The following CHIC2 variants were observed in gnomAD, a reference collection of about 807,000 sequenced individuals.
CHIC2 encodes cysteine-rich hydrophobic domain-containing protein 2.
Under a neutral mutation model 25.9 loss-of-function variants are expected in CHIC2, and 14 were observed. That is an observed-to-expected ratio of 0.54 (90% CI 0.36 to 0.85). The LOEUF is 0.85. Among genes scored for constraint, CHIC2 ranks in the 40% least tolerant of loss-of-function variants. The probability of loss-of-function intolerance (pLI) is 0.01; values close to 1 mark genes in which losing one functional copy is unlikely to be tolerated. For synonymous variants in CHIC2, 70 were observed against 72.0 expected, an observed-to-expected ratio of 0.97 and a Z score of 0.14; for missense variants, 146 against 202.0, an observed-to-expected ratio of 0.72 and a Z score of 1.68.
chr4:54,034,771 T>C (rs766315224), intron 3 of CHIC2, among the ~76,000 whole-genome samples: 1 of 152,212 alleles, frequency 6.6e-6, no homozygotes, highest in Non-Finnish European at 1.5e-5. Context: ...ATCTCCAGAA[T>C]AACATTGATT....
intron 3 of CHIC2, among the ~76,000 whole-genome samples, chr4:54,028,405 TA>T (rs1716124476): frequency 1.3e-5 from 2 of 152,346 alleles, no homozygotes; most frequent in Admixed American, 1.3e-4. Flanking sequence ...CTTAACTTTA[TA>T]AACTGGGAGA....
In CHIC2 at chr4:54,043,072, A is replaced by C. The variant is rs191844010; in HGVS notation, c.330+5883T>G. 8.2e-4 allele frequency among the ~76,000 whole-genome samples: 125 copies of C among 152,188 alleles called. No individual in the cohort carries two copies. In the Middle Eastern group the frequency reaches 0.024, roughly 29 times the overall value. Reference sequence around the variant, plus strand: ...ACACCTGTAATCCCAGCACTTAGAGAGGCCAAGGAGGGCAGACTGCTTGAG... The same window carrying C: ...ACACCTGTAATCCCAGCACTTAGAGCGGCCAAGGAGGGCAGACTGCTTGAG... On this transcript the variant is annotated intron_variant, in intron 3 of 5. Coordinates refer to ENST00000263921, the MANE Select transcript of CHIC2 (RefSeq NM_012110.4).
the CHIC2 span, among the ~76,000 whole-genome samples, chr4:54,088,391 AT>A: frequency 6.6e-6 from 1 of 152,212 alleles, no homozygotes; most frequent in African/African-American, 2.4e-5. Context: ...AAAAGTTGAT[AT>A]TTTAGGAATT....
In CHIC2 at chr4:54,021,129, C is replaced by A. The variant is rs145545781; in HGVS notation, c.331-7010G>T. Among the ~76,000 whole-genome samples, 344 of 152,288 alleles carry A rather than the reference C, an allele frequency of 2.3e-3. 5 individuals are homozygous for A. The East Asian group carries it at 0.057, about 25-fold the overall frequency. On this transcript the variant is annotated intron_variant, in intron 3 of 5. Transcript: ENST00000263921. ...AAGAACTTAAAACCCCTTCAACTCA[C>A]ACCTGACCTAAAACCTAAATGCCTT...
At chr4:54,068,840 C>T (rs1476030595), upstream of CHIC2, among the ~76,000 whole-genome samples, 3 of 152,182 alleles carry the variant, frequency 2.0e-5, no homozygotes, top group Non-Finnish European at 4.4e-5. Context: ...CTTCAAACAC[C>T]AGTCACAAGT....
intron 3 of CHIC2, among the ~76,000 whole-genome samples, chr4:54,043,749 C>G (rs576974327): frequency 1.3e-5 from 2 of 152,118 alleles, no homozygotes; most frequent in African/African-American, 4.8e-5. Flanking sequence ...CATCAACTAA[C>G]GAGCAAAATA....
At chr4:54,048,730 C>G (rs894143639) in intron 3 of CHIC2, 3 of 356,082 alleles carry the variant, frequency 8.4e-6, no homozygotes, top group Non-Finnish European at 1.5e-5. Flanking sequence ...ATGCCATACA[C>G]TACTCCTTGC....
chr4:54,091,642 C>T, the CHIC2 span, among the ~76,000 whole-genome samples: 1 of 152,316 alleles, frequency 6.6e-6, no homozygotes, highest in Admixed American at 6.5e-5. Context: ...ACTAAAGAAC[C>T]TATCCATGTA....
At chr4:54,012,150 CTA>C (rs1272963396) in intron 5 of CHIC2, among the ~76,000 whole-genome samples, 1 of 151,612 alleles carries the variant, frequency 6.6e-6, no homozygotes, top group South Asian at 2.1e-4. Context: ...GTGGGTATTG[CTA>C]TGTTACCCAA....
intron 1 of CHIC2, among the ~76,000 whole-genome samples, chr4:54,054,641 T>C (rs571571921): frequency 1.3e-5 from 2 of 152,346 alleles, no homozygotes; most frequent in African/African-American, 4.8e-5. Context: ...GAACTCCCTA[T>C]ACTTTGGCTA....
At chr4:54,027,383 T>C (rs746222001) in intron 3 of CHIC2, among the ~76,000 whole-genome samples, 5 of 152,190 alleles carry the variant, frequency 3.3e-5, no homozygotes, top group Non-Finnish European at 7.4e-5. Flanking sequence ...TCTTTTATGA[T>C]GAAAACTTAG....
At chr4:54,044,680 C>A (rs1228845311) in intron 3 of CHIC2, among the ~76,000 whole-genome samples, 1 of 151,878 alleles carries the variant, frequency 6.6e-6, no homozygotes, top group Non-Finnish European at 1.5e-5. Context: ...CACTAAATAC[C>A]CACAAGAGAA....
chr4:54,079,934 C>T, the CHIC2 span, among the ~76,000 whole-genome samples: 12 of 151,852 alleles, frequency 7.9e-5, no homozygotes, highest in South Asian at 2.1e-4. Context: ...AAAAACAGTA[C>T]GGCAGTTCCT....
At chr4:54,072,440 A>G in the CHIC2 span, among the ~76,000 whole-genome samples, 1 of 152,268 alleles carries the variant, frequency 6.6e-6, no homozygotes. Flanking sequence ...TCATAAAACC[A>G]GAATGAACCC....
intron 3 of CHIC2, among the ~76,000 whole-genome samples, chr4:54,048,042 G>A (rs534545488): frequency 6.6e-6 from 1 of 152,238 alleles, no homozygotes; most frequent in Non-Finnish European, 1.5e-5. Flanking sequence ...AGGCTGGAGT[G>A]CAATGGCACG....
At chr4:54,036,287 C>T (rs1395354937) in intron 3 of CHIC2, among the ~76,000 whole-genome samples, 1 of 152,142 alleles carries the variant, frequency 6.6e-6, no homozygotes, top group Admixed American at 6.6e-5. Context: ...TCTCGTTAGG[C>T]TGTTCTTGCA....
At chr4:54,048,279 T>A (rs763590328) in intron 3 of CHIC2, among the ~76,000 whole-genome samples, 78 of 152,218 alleles carry the variant, frequency 5.1e-4, no homozygotes, top group Non-Finnish European at 1.1e-3. Context: ...CATGAGCCAC[T>A]GTGCCTGGCC....
In CHIC2 at chr4:54,046,472, C is replaced by T. The variant is rs886907717; in HGVS notation, c.330+2483G>A. 2.0e-5 allele frequency among the ~76,000 whole-genome samples: 3 copies of T among 152,130 alleles called. No individual in the cohort carries two copies. The South Asian group carries it at 6.2e-4, about 32-fold the overall frequency. On this transcript the variant is annotated intron_variant, in intron 3 of 5. Coordinates refer to ENST00000263921, the MANE Select transcript of CHIC2 (RefSeq NM_012110.4). ...ACAGATATAGACCAATGGAACAGAA[C>T]AGAGCCCTCAGAAAAAATGCCACAT...
the CHIC2 span, among the ~76,000 whole-genome samples, chr4:54,084,547 G>A: frequency 4.6e-5 from 7 of 151,438 alleles, no homozygotes; most frequent in African/African-American, 1.7e-4. Context: ...CAATGACATA[G>A]TTAACTTTGG....
Sources: allele counts gnomAD v4.1 joint callset (sites outside exome capture counted in the v4.1 genomes callset), GRCh38; gene constraint gnomAD v4.1.1; transcripts MANE v1.5; gene names NCBI Gene and HGNC (gene_info 2026-07-23, HGNC 2026-07-21).